Variants in EEFSEC observed in about 807,000 individuals in gnomAD.
EEFSEC encodes eukaryotic elongation factor, selenocysteine-tRNA specific.
Under a neutral mutation model 42.1 loss-of-function variants are expected in EEFSEC, and 43 were observed. That is an observed-to-expected ratio of 1.02 (90% CI 0.80 to 1.32). The LOEUF (loss-of-function observed/expected upper bound fraction) is 1.32, where lower values mean the gene tolerates loss of function less well. Among genes scored for constraint, EEFSEC ranks in the 40% most tolerant of loss-of-function variants. The pLI is 0.00. For missense variants in EEFSEC, 745 were observed against 803.6 expected, an observed-to-expected ratio of 0.93 and a Z score of 0.88; for synonymous variants, 354 against 339.1, an observed-to-expected ratio of 1.04 and a Z score of -0.48.
Position 128,158,635 on chromosome 3 carries a change from A to G in EEFSEC, c.316+4812A>G, listed in dbSNP as rs115352898. ...TTAGCAATGAATTATTTTAAAATTA[A>G]GGAATGTTTATTGTTTTTTGAGACA... On this transcript the variant is annotated intron_variant, in intron 1 of 6. Transcript: ENST00000254730. 4.3e-3 allele frequency among the ~76,000 whole-genome samples: 659 copies of G among 152,354 alleles called. 4 individuals carry two copies. Among genetic ancestry groups the G allele is most frequent in the African/African-American group, 0.014 (580 of 41,578 alleles).
chr3:128,238,651 GCTAAT>G (rs938570444), intron 1 of EEFSEC, among the ~76,000 whole-genome samples: 77 of 152,198 alleles, frequency 5.1e-4, no homozygotes, highest in Admixed American at 1.1e-3. Context: ...ACCATGCCCG[GCTAAT>G]TTTTTGTATT....
chr3:128,172,892 G>A (rs1245645038), intron 1 of EEFSEC, among the ~76,000 whole-genome samples: 1 of 152,230 alleles, frequency 6.6e-6, no homozygotes, highest in African/African-American at 2.4e-5. Flanking sequence ...GCTTAGCCCT[G>A]TATGAAATCA....
intron 5 of EEFSEC, among the ~76,000 whole-genome samples, chr3:128,354,462 GCACCACA>G (rs1343106798): frequency 1.3e-5 from 2 of 152,186 alleles, no homozygotes; most frequent in African/African-American, 4.8e-5. Flanking sequence ...GAACCGAGCT[GCACCACA>G]CACCAGCAGG....
chr3:128,212,049 G>A (rs56323542), intron 1 of EEFSEC, among the ~76,000 whole-genome samples: 2 of 151,248 alleles, frequency 1.3e-5, no homozygotes, highest in African/African-American at 2.4e-5. Flanking sequence ...TTTTAGTAGA[G>A]ACAAGGTTTC....
intron 4 of EEFSEC, among the ~76,000 whole-genome samples, chr3:128,340,361 G>T (rs1013224576): frequency 6.7e-6 from 1 of 149,902 alleles, no homozygotes; most frequent in Non-Finnish European, 1.5e-5. Context: ...TATTAATGTA[G>T]ATTAATATTA....
chr3:128,278,014 G>T (rs544590587), intron 4 of EEFSEC, among the ~76,000 whole-genome samples: 9 of 152,310 alleles, frequency 5.9e-5, no homozygotes, highest in Admixed American at 2.0e-4. Context: ...AGACAAATGT[G>T]GGGTGAGAGG....
At chr3:128,216,311 C>G (rs766025395) in intron 1 of EEFSEC, among the ~76,000 whole-genome samples, 9 of 152,202 alleles carry the variant, frequency 5.9e-5, no homozygotes, top group Non-Finnish European at 7.3e-5. Context: ...GCTCATTTTC[C>G]ACTGCGGGGT....
rs143675138 is a variant in EEFSEC, at chr3:128,361,148, G to A, written c.1600+2775G>A. ...GATGCACTTCATGGGCCTCGCTGCC[G>A]GCTCTACAGGGCATCCGGGCTGGGA... On this transcript the variant is annotated intron_variant, in intron 6 of 6. Transcript: ENST00000254730. Among the ~76,000 whole-genome samples, 978 of 152,222 alleles carry A rather than the reference G, an allele frequency of 6.4e-3. 3 individuals are homozygous for A. The highest frequency in any genetic ancestry group is 0.01 in the Middle Eastern group (3 of 294).
rs2065428234 is a variant in EEFSEC, at chr3:128,183,008, TC to T, written c.316+29188del. On this transcript the variant is annotated intron_variant, in intron 1 of 6. Coordinates refer to ENST00000254730, the MANE Select transcript of EEFSEC (RefSeq NM_021937.5). ...GCCATAATCTTGTTTTTCTTTGGAA[TC>T]CCGCTGATCCAGGCCTGAATTCTAG... 2.0e-5 allele frequency among the ~76,000 whole-genome samples: 3 copies of T among 152,308 alleles called. No homozygotes were observed. In the East Asian group the frequency reaches 5.8e-4, roughly 29 times the overall value.
At chr3:128,190,690 C>T (rs2065514675) in intron 1 of EEFSEC, among the ~76,000 whole-genome samples, 1 of 152,218 alleles carries the variant, frequency 6.6e-6, no homozygotes, top group Non-Finnish European at 1.5e-5. Context: ...CCTAGGCCTT[C>T]ACATTCACTC....
intron 6 of EEFSEC, among the ~76,000 whole-genome samples, chr3:128,407,590 C>T (rs2068132574): frequency 6.6e-6 from 1 of 152,176 alleles, no homozygotes; most frequent in Non-Finnish European, 1.5e-5. Context: ...GGGATACACA[C>T]CCTGACTGCC....
chr3:128,418,053 C>T, the EEFSEC span, among the ~76,000 whole-genome samples: 2 of 152,214 alleles, frequency 1.3e-5, no homozygotes, highest in East Asian at 1.9e-4. Context: ...CAAGCCCTTA[C>T]CTCGGCATTC....
intron 5 of EEFSEC, 141 bp downstream of exon 5, chr3:128,342,030 A>C: frequency 8.3e-7 from 1 of 1,208,414 alleles, no homozygotes; most frequent in Non-Finnish European, 1.1e-6. Flanking sequence ...TGTACAAGGC[A>C]TCTGATGCCC....
At chr3:128,189,562 T>C (rs1004446401) in intron 1 of EEFSEC, among the ~76,000 whole-genome samples, 9 of 150,270 alleles carry the variant, frequency 6.0e-5, no homozygotes, top group South Asian at 2.1e-4. Flanking sequence ...TCTTTTCTTT[T>C]TTTTTTTTTT....
intron 4 of EEFSEC, among the ~76,000 whole-genome samples, chr3:128,285,716 C>T (rs555966270): frequency 3.3e-5 from 5 of 152,304 alleles, no homozygotes; most frequent in South Asian, 2.1e-4. Context: ...CCCTCGCCCA[C>T]GCTCCCTTAG....
At chr3:128,380,731 G>A (rs1022238953) in intron 6 of EEFSEC, among the ~76,000 whole-genome samples, 34 of 152,208 alleles carry the variant, frequency 2.2e-4, no homozygotes, top group East Asian at 3.8e-4. Flanking sequence ...CCCATAGTCC[G>A]AATTAAACAA....
At chr3:128,290,977 C>T (rs1234269055) in intron 4 of EEFSEC, among the ~76,000 whole-genome samples, 1 of 151,790 alleles carries the variant, frequency 6.6e-6, no homozygotes. Context: ...CTCGAACTCC[C>T]GACCTCAAGT....
intron 2 of EEFSEC, among the ~76,000 whole-genome samples, chr3:128,261,133 C>T (rs1280016999): frequency 6.6e-6 from 1 of 152,128 alleles, no homozygotes; most frequent in East Asian, 1.9e-4. Flanking sequence ...AGAACAGGCC[C>T]AGGTGGAGAG....
At chr3:128,272,366 T>G (rs1241554135) in intron 4 of EEFSEC, among the ~76,000 whole-genome samples, 1 of 152,172 alleles carries the variant, frequency 6.6e-6, no homozygotes, top group Non-Finnish European at 1.5e-5. Context: ...CTTTTCTGCT[T>G]TTTGGAACTC....
Sources: gnomAD v4.1 joint callset for allele counts (sites outside exome capture counted in the v4.1 genomes callset) on GRCh38, gnomAD v4.1.1 for gene constraint, MANE v1.5 for transcripts, NCBI Gene and HGNC (gene_info 2026-07-23, HGNC 2026-07-21) for gene names.